The following GALNT10 variants were observed in gnomAD, a reference collection of about 807,000 sequenced individuals.
GALNT10 encodes the protein GalNAc transferase 10.
Under a neutral mutation model 75.0 loss-of-function variants are expected in GALNT10, and 41 were observed. That is an observed-to-expected ratio of 0.55 (90% CI 0.43 to 0.71). The LOEUF (loss-of-function observed/expected upper bound fraction) is 0.71, where lower values mean the gene tolerates loss of function less well. Among genes scored for constraint, GALNT10 ranks in the 30% least tolerant of loss-of-function variants. GALNT10 has a pLI of 0.00. For missense variants in GALNT10, 727 were observed against 818.5 expected, an observed-to-expected ratio of 0.89 and a Z score of 1.36; for synonymous variants, 302 against 313.0, an observed-to-expected ratio of 0.96 and a Z score of 0.37.
chr5:154,195,112 C>G (rs914957607), intron 1 of GALNT10, among the ~76,000 whole-genome samples: 1 of 152,190 alleles, frequency 6.6e-6, no homozygotes, highest in Non-Finnish European at 1.5e-5. Context: ...AAAGCAAAAG[C>G]CCATTTAAAA....
chr5:154,316,851 G>A (rs899715670), intron 3 of GALNT10, among the ~76,000 whole-genome samples: 1 of 152,194 alleles, frequency 6.6e-6, no homozygotes, highest in Non-Finnish European at 1.5e-5. Context: ...GAACTCTTCA[G>A]TGAAGCCTTA....
intron 1 of GALNT10, among the ~76,000 whole-genome samples, chr5:154,239,106 C>T (rs1753292932): frequency 6.6e-6 from 1 of 152,150 alleles, no homozygotes; most frequent in Admixed American, 6.5e-5. Flanking sequence ...CCTCACTGCC[C>T]ACTTTGTTTC....
intron 1 of GALNT10, among the ~76,000 whole-genome samples, chr5:154,237,074 C>T (rs1027809229): frequency 9.2e-5 from 14 of 152,210 alleles, no homozygotes; most frequent in Admixed American, 9.2e-4. Context: ...GGAATTCCTC[C>T]ATGGTCCTAA....
intron 1 of GALNT10, among the ~76,000 whole-genome samples, chr5:154,250,083 G>A (rs541005447): frequency 2.0e-5 from 3 of 152,194 alleles, no homozygotes; most frequent in South Asian, 2.1e-4. Context: ...TTTTCTCCCC[G>A]TTCCCGGGGA....
At chr5:154,264,753 C>T (rs59392676) in intron 1 of GALNT10, among the ~76,000 whole-genome samples, 2 of 152,160 alleles carry the variant, frequency 1.3e-5, no homozygotes, top group African/African-American at 4.8e-5. Flanking sequence ...ACCCTTTGGT[C>T]TCTGTCCAAG....
At chr5:154,245,468 C>T (rs1753406727) in intron 1 of GALNT10, among the ~76,000 whole-genome samples, 1 of 152,092 alleles carries the variant, frequency 6.6e-6, no homozygotes, top group Non-Finnish European at 1.5e-5. Context: ...AGAAAACTAG[C>T]TCAGAAAGGT....
intron 6 of GALNT10, among the ~76,000 whole-genome samples, chr5:154,385,270 G>A (rs890762467): frequency 2.0e-5 from 3 of 152,158 alleles, no homozygotes; most frequent in Non-Finnish European, 4.4e-5. Context: ...AGTCTTGTGC[G>A]AGATACCCTG....
At chr5:154,248,262 C>G (rs1581937691) in intron 1 of GALNT10, among the ~76,000 whole-genome samples, 1 of 152,172 alleles carries the variant, frequency 6.6e-6, no homozygotes, top group East Asian at 1.9e-4. Context: ...GGATATTGGT[C>G]TAAAATTCTC....
chr5:154,406,002 C>T (rs932927076), intron 8 of GALNT10: 2 of 151,544 alleles, frequency 1.3e-5, no homozygotes, highest in Non-Finnish European at 2.9e-5. Context: ...AAATTCCCTT[C>T]GAGCCAGGCA....
chr5:154,384,365 C>T (rs964436692), intron 6 of GALNT10, among the ~76,000 whole-genome samples: 1 of 152,188 alleles, frequency 6.6e-6, no homozygotes, highest in Non-Finnish European at 1.5e-5. Context: ...TAAAGAGAAA[C>T]AGGTAAAATT....
chr5:154,417,115 G>A lies in GALNT10; in HGVS notation c.*143G>A. 3 of 708,128 alleles carry A rather than the reference G, an allele frequency of 4.2e-6. No individual in the cohort carries two copies. Among genetic ancestry groups the A allele is most frequent in the Non-Finnish European group, 7.1e-6 (3 of 421,336 alleles). 43.9% of individuals were successfully genotyped at this position (708,128 alleles called of 1,614,324 possible). On this transcript the variant is annotated 3_prime_UTR_variant, in exon 12 of 12. Coordinates refer to ENST00000297107, the MANE Select transcript of GALNT10 (RefSeq NM_198321.4). ...AGGGTGAAGAGGGCTCTTGATTCAG[G>A]GGCTGGGGTCTGCCTGGTCCTTGAG...
At chr5:154,295,936 T>C (rs754987993) in intron 2 of GALNT10, among the ~76,000 whole-genome samples, 14 of 152,248 alleles carry the variant, frequency 9.2e-5, no homozygotes, top group Non-Finnish European at 2.1e-4. Context: ...CCCACCACTA[T>C]TGATTTTTTA....
rs138048575 is a variant in GALNT10, at chr5:154,416,237, C to G, written c.1653+305C>G. Reference sequence around the variant, plus strand: ...GGTGGATCACCTGAGGTCAGGAGTTCGAGACTAGCCTGGCCAACATGGTGA... The same window carrying G: ...GGTGGATCACCTGAGGTCAGGAGTTGGAGACTAGCCTGGCCAACATGGTGA... On this transcript the variant is annotated intron_variant, in intron 11 of 11. Transcript: ENST00000297107. This position sits in a 1 kb window ranked among gnomAD's most constrained non-coding sequence, Gnocchi z 4.5. 6.6e-6 allele frequency among the ~76,000 whole-genome samples: 1 copy of G among 151,846 alleles called. No individual in the cohort carries two copies. The highest frequency in any genetic ancestry group is 2.1e-4 in the South Asian group (1 of 4,808).
chr5:154,253,904 A>G (rs764555155), intron 1 of GALNT10, among the ~76,000 whole-genome samples: 5 of 152,072 alleles, frequency 3.3e-5, no homozygotes, highest in Non-Finnish European at 7.4e-5. Context: ...TCCGCCCTAG[A>G]AGATCAGCTT....
chr5:154,361,835 G>T (rs976797561), intron 4 of GALNT10, among the ~76,000 whole-genome samples: 1 of 152,312 alleles, frequency 6.6e-6, no homozygotes, highest in East Asian at 1.9e-4. Flanking sequence ...GGAGGACAGC[G>T]GTGACCCACA....
chr5:154,227,344 T>C (rs1485460251), intron 1 of GALNT10, among the ~76,000 whole-genome samples: 1 of 152,236 alleles, frequency 6.6e-6, no homozygotes, highest in Non-Finnish European at 1.5e-5. Context: ...ATTTTAGCCT[T>C]TCTAATATGT....
intron 1 of GALNT10, among the ~76,000 whole-genome samples, chr5:154,262,256 A>G (rs1043823592): frequency 2.1e-5 from 3 of 140,044 alleles, no homozygotes; most frequent in Admixed American, 6.7e-5. Flanking sequence ...CCTGCCTGGC[A>G]TCAATGCAGG....
Position 154,193,468 on chromosome 5 carries a change from T to C in GALNT10, c.159+2443T>C, listed in dbSNP as rs1295248280. Among the ~76,000 whole-genome samples, 3 of 152,228 alleles carry C rather than the reference T, an allele frequency of 2.0e-5. No homozygotes were observed. In the South Asian group the frequency reaches 6.2e-4, roughly 31 times the overall value. ...TCCCTCATCCCAGTGTACTGGAACA[T>C]ACATGTAACATGCCAGGCTGCTATC... On this transcript the variant is annotated intron_variant, in intron 1 of 11. Coordinates refer to ENST00000297107, the MANE Select transcript of GALNT10 (RefSeq NM_198321.4).
chr5:154,300,825 C>T (rs1331914416), intron 3 of GALNT10, among the ~76,000 whole-genome samples: 1 of 152,034 alleles, frequency 6.6e-6, no homozygotes, highest in Admixed American at 6.6e-5. Flanking sequence ...CAGAGGATAC[C>T]CCTGACCCTG....
Sources: allele counts gnomAD v4.1 joint callset (sites outside exome capture counted in the v4.1 genomes callset), GRCh38; gene constraint gnomAD v4.1.1; non-coding constraint Gnocchi (gnomAD v3.1); transcripts MANE v1.5; gene names NCBI Gene and HGNC (gene_info 2026-07-23, HGNC 2026-07-21).